The following LRP1B variants were observed in gnomAD, a reference collection of about 807,000 sequenced individuals.
LRP1B encodes low-density lipoprotein receptor-related protein 1B.
A neutral mutation model predicts 556.6 loss-of-function variants in LRP1B; 217 were observed. That is an observed-to-expected ratio of 0.39 (90% CI 0.35 to 0.44). The LOEUF is 0.44. Ranked by LOEUF, LRP1B falls within the 20% of genes least tolerant of loss-of-function variation. The probability of loss-of-function intolerance (pLI) is 1.00; values close to 1 mark genes in which losing one functional copy is unlikely to be tolerated. For synonymous variants in LRP1B, 2,047 were observed against 1,865.8 expected, an observed-to-expected ratio of 1.10 and a Z score of -2.50; for missense variants, 5,053 against 5,620.8, an observed-to-expected ratio of 0.90 and a Z score of 3.23.
chr2:141,320,665 G>A (rs1027926337), intron 3 of LRP1B, among the ~76,000 whole-genome samples: 41 of 152,166 alleles, frequency 2.7e-4, no homozygotes, highest in African/African-American at 9.6e-4. Flanking sequence ...TACGAGAATA[G>A]GTGTCACCAA....
intron 55 of LRP1B, among the ~76,000 whole-genome samples, chr2:140,498,151 C>T (rs922542551): frequency 6.6e-6 from 1 of 151,814 alleles, no homozygotes; most frequent in East Asian, 1.9e-4. Flanking sequence ...TTAAAAAAGA[C>T]AATTTTTATG....
chr2:141,677,720 C>T (rs1432570296), intron 2 of LRP1B, among the ~76,000 whole-genome samples: 1 of 152,154 alleles, frequency 6.6e-6, no homozygotes, highest in Non-Finnish European at 1.5e-5. Context: ...AACTCCTGAC[C>T]TCGGGTGATC....
chr2:140,479,437 A>C (rs1484116964), intron 59 of LRP1B, among the ~76,000 whole-genome samples: 4 of 152,154 alleles, frequency 2.6e-5, no homozygotes, highest in African/African-American at 9.7e-5. Flanking sequence ...TTTCAGCCCC[A>C]AATAGTACCT....
At chr2:141,900,380 G>A (rs1699581609) in intron 1 of LRP1B, among the ~76,000 whole-genome samples, 1 of 152,040 alleles carries the variant, frequency 6.6e-6, no homozygotes, top group South Asian at 2.1e-4. Flanking sequence ...TAGCTAGCTG[G>A]TTATACCTAT....
intron 1 of LRP1B, among the ~76,000 whole-genome samples, chr2:141,998,281 T>TTC (rs1009624058): frequency 3.3e-5 from 5 of 151,820 alleles, no homozygotes; most frequent in South Asian, 2.1e-4. Context: ...CACACCCAGA[T>TTC]TCTCTCTCTC....
intron 10 of LRP1B, among the ~76,000 whole-genome samples, chr2:141,052,829 G>A (rs144734829): frequency 3.4e-4 from 52 of 151,906 alleles, no homozygotes; most frequent in Non-Finnish European, 6.5e-4. Context: ...TTAGAGACTA[G>A]GTTTTGCAAT....
In LRP1B at chr2:140,350,929, A is replaced by T. The variant is rs371627395; in HGVS notation, c.11760T>A (p.Asn3920Lys). 362 of 1,610,938 alleles carry T rather than the reference A, an allele frequency of 2.2e-4. No individual in the cohort carries two copies. Among genetic ancestry groups the T allele is most frequent in the Non-Finnish European group, 3.0e-4 (351 of 1,177,914 alleles). ...DHQQISHIEH[N>K]SRITGMDVYY... The stretch of plus-strand genomic sequence containing the variant: ...ATACATCCATCCCTGTTATTCTTGA[A>T]TTATGTTCAATATGAGAAATTTGTT... Residue 3920 changes from asparagine (N) to lysine (K), a missense_variant, in exon 77 of 91, where the codon AAT becomes AAA. Physicochemically the swap from Asn to Lys is moderately conservative, Grantham distance 94. Coordinates refer to ENST00000389484, the MANE Select transcript of LRP1B (RefSeq NM_018557.3).
At chr2:141,356,168 G>C (rs189767020) in intron 3 of LRP1B, among the ~76,000 whole-genome samples, 1 of 152,336 alleles carries the variant, frequency 6.6e-6, no homozygotes, top group Admixed American at 6.5e-5. Flanking sequence ...TGCTATCAAA[G>C]AGAGATACTT....
At chr2:141,201,115 G>A (rs991733982) in intron 6 of LRP1B, among the ~76,000 whole-genome samples, 2 of 152,124 alleles carry the variant, frequency 1.3e-5, no homozygotes, top group African/African-American at 2.4e-5. Context: ...CAATTAGGCA[G>A]ACAGCAATTT....
At chr2:141,863,283 G>A (rs1368355667) in intron 1 of LRP1B, among the ~76,000 whole-genome samples, 3 of 152,182 alleles carry the variant, frequency 2.0e-5, no homozygotes, top group African/African-American at 4.8e-5. Flanking sequence ...ACTGAGCATA[G>A]TGGTAGACAA....
At position 140,335,900 on chromosome 2, in the gene LRP1B, T is replaced by G. The variant is rs1681066711; in HGVS notation, c.11893-62A>C. On this transcript the variant is annotated intron_variant, in intron 77 of 90. Transcript: ENST00000389484. ...AACAGGAAATTAGCGGAGTTTTCTG[T>G]ATCTTTACATTGAAGTTATGGGGGA... 4 of 1,002,412 alleles carry G rather than the reference T, an allele frequency of 4.0e-6. No individual in the cohort carries two copies. In the East Asian group the frequency reaches 9.6e-5, roughly 24 times the overall value. The allele number at this position is 1,002,412 out of a possible 1,614,324, so 62.1% of individuals were successfully genotyped here.
chr2:141,168,667 T>A (rs1430684544), intron 7 of LRP1B, among the ~76,000 whole-genome samples: 1 of 152,054 alleles, frequency 6.6e-6, no homozygotes, highest in Non-Finnish European at 1.5e-5. Context: ...TTTAATTAAA[T>A]TGCTCCTGTC....
chr2:140,236,704 TTTAA>T (rs969601693), intron 89 of LRP1B, among the ~76,000 whole-genome samples: 8 of 150,936 alleles, frequency 5.3e-5, no homozygotes. Context: ...TCAAAAGTGA[TTTAA>T]TTACAAAGAA....
At chr2:141,600,402 G>A (rs554980600) in intron 2 of LRP1B, among the ~76,000 whole-genome samples, 1 of 152,158 alleles carries the variant, frequency 6.6e-6, no homozygotes, top group Non-Finnish European at 1.5e-5. Context: ...CCACGAACTA[G>A]AGCACAAAAC....
chr2:141,019,887 T>G (rs754529884), intron 12 of LRP1B, 35 bp downstream of exon 12: 7 of 1,421,388 alleles, frequency 4.9e-6, no homozygotes, highest in Middle Eastern at 3.7e-4. Context: ...TCTATTATCA[T>G]TTTTCTTATA....
intron 66 of LRP1B, among the ~76,000 whole-genome samples, chr2:140,402,067 C>G (rs183020459): frequency 1.3e-5 from 2 of 152,276 alleles, no homozygotes; most frequent in African/African-American, 4.8e-5. Context: ...TTCCCCAGCA[C>G]CAACCAGGAG....
chr2:140,289,694 T>C (rs965160171), intron 84 of LRP1B, among the ~76,000 whole-genome samples: 1 of 151,816 alleles, frequency 6.6e-6, no homozygotes, highest in Non-Finnish European at 1.5e-5. Context: ...TTCAACAAAT[T>C]TTTACAACCC....
At chr2:140,285,880 G>C (rs749203472) in intron 84 of LRP1B, among the ~76,000 whole-genome samples, 93 of 151,816 alleles carry the variant, frequency 6.1e-4, no homozygotes, top group African/African-American at 2.2e-3. Context: ...CATGAAGATA[G>C]TGCAGTGAGA....
intron 2 of LRP1B, among the ~76,000 whole-genome samples, chr2:141,806,797 C>T (rs147245728): frequency 1.1e-4 from 16 of 152,112 alleles, no homozygotes; most frequent in African/African-American, 3.6e-4. Context: ...ATAAGTAAGG[C>T]TTTTCTTCTT....
Sources: gnomAD v4.1 joint callset for allele counts (sites outside exome capture counted in the v4.1 genomes callset) on GRCh38, gnomAD v4.1.1 for gene constraint, MANE v1.5 for transcripts, NCBI Gene and HGNC (gene_info 2026-07-23, HGNC 2026-07-21) for gene names.